Variants in RIMS1 observed in about 807,000 individuals in gnomAD.
RIMS1 encodes the protein regulating synaptic membrane exocytosis 1.
Under a neutral mutation model 214.1 loss-of-function variants are expected in RIMS1, and 83 were observed. The ratio of observed to expected loss-of-function variants is 0.39; its 90% CI spans 0.32 to 0.47. RIMS1 has a LOEUF of 0.47. Among genes scored for constraint, RIMS1 ranks in the 20% least tolerant of loss-of-function variants. The probability of loss-of-function intolerance (pLI) is 0.99; values close to 1 mark genes in which losing one functional copy is unlikely to be tolerated. For missense variants in RIMS1, 2,050 were observed against 2,161.8 expected, an observed-to-expected ratio of 0.95 and a Z score of 1.03; for synonymous variants, 793 against 786.8, an observed-to-expected ratio of 1.01 and a Z score of -0.13.
intron 1 of RIMS1, among the ~76,000 whole-genome samples, chr6:71,946,099 A>G (rs1026681292): frequency 2.0e-5 from 3 of 152,224 alleles, no homozygotes; most frequent in South Asian, 2.1e-4. Flanking sequence ...ACTGTGGAAT[A>G]AATTTAACCA....
rs566173749 is a variant in RIMS1 at position 72,016,899 on chromosome 6, T to C, written c.245+47836T>C. On this transcript the variant is annotated intron_variant, in intron 2 of 33. Coordinates refer to ENST00000521978, the MANE Select transcript of RIMS1 (RefSeq NM_014989.7). ...GTAGTCAGTTTGTGAGTATGTACCA[T>C]TGACATGGGACCCTGGCAATTCTTA... 9.2e-5 allele frequency among the ~76,000 whole-genome samples: 14 copies of C among 152,336 alleles called. No individual in the cohort carries two copies. The South Asian group carries it at 1.0e-3, about 11-fold the overall frequency.
chr6:71,994,333 C>CT (rs1802751057), intron 2 of RIMS1, among the ~76,000 whole-genome samples: 1 of 152,152 alleles, frequency 6.6e-6, no homozygotes, highest in African/African-American at 2.4e-5. Flanking sequence ...CTCTTGGCTT[C>CT]TTTACCTTAC....
chr6:72,263,712 C>T, intron 19 of RIMS1: 1 of 985,138 alleles, frequency 1.0e-6, no homozygotes, highest in Non-Finnish European at 1.2e-6. Flanking sequence ...TCAACTTGTA[C>T]TTAATAAGGA....
intron 4 of RIMS1, among the ~76,000 whole-genome samples, chr6:72,176,590 G>A (rs1472891536): frequency 1.3e-5 from 2 of 151,890 alleles, no homozygotes; most frequent in East Asian, 3.9e-4. Context: ...ACATTGCCAT[G>A]GTTAATTTTA....
intron 2 of RIMS1, among the ~76,000 whole-genome samples, chr6:72,028,713 A>C (rs1360242198): frequency 3.9e-5 from 6 of 152,222 alleles, no homozygotes; most frequent in Non-Finnish European, 8.8e-5. Flanking sequence ...TATTTCTTAA[A>C]ATATTTTAGA....
chr6:71,959,469 T>C (rs1279259964), intron 1 of RIMS1, among the ~76,000 whole-genome samples: 3 of 152,134 alleles, frequency 2.0e-5, no homozygotes, highest in Non-Finnish European at 4.4e-5. Context: ...TAGAAGTATC[T>C]AAAAACATTA....
At chr6:71,952,840 G>A (rs929314834) in intron 1 of RIMS1, among the ~76,000 whole-genome samples, 5 of 152,032 alleles carry the variant, frequency 3.3e-5, no homozygotes, top group African/African-American at 7.2e-5. Flanking sequence ...AGGTTGGCTG[G>A]GTGGAAGTCA....
At chr6:72,115,816 G>A (rs545266865) in intron 4 of RIMS1, among the ~76,000 whole-genome samples, 9 of 151,624 alleles carry the variant, frequency 5.9e-5, no homozygotes, top group Admixed American at 1.3e-4. Context: ...CTTATATTAA[G>A]ATGCTTTCAT....
intron 4 of RIMS1, among the ~76,000 whole-genome samples, chr6:72,161,331 A>T (rs1426447713): frequency 7.2e-6 from 1 of 139,280 alleles, no homozygotes; most frequent in African/African-American, 2.5e-5. Context: ...TCTTTTCAAA[A>T]AACGAGCTCC....
rs1042215602 is a variant in RIMS1 at position 72,279,656 on chromosome 6, C to A, written c.3483-4391C>A. Among the ~76,000 whole-genome samples the A allele has an allele frequency of 7.2e-5, 11 of 151,956 alleles. No homozygotes were observed. In the East Asian group the frequency reaches 1.5e-3, roughly 21 times the overall value. On this transcript the variant is annotated intron_variant, in intron 23 of 33. Transcript: ENST00000521978. ...AACACTGAAACAGTGTTGTCTTGTT[C>A]ACTCGTGCCCAGGGATCTCTCAAAT...
At chr6:72,371,600 T>C (rs2098222233) in intron 29 of RIMS1, among the ~76,000 whole-genome samples, 1 of 152,102 alleles carries the variant, frequency 6.6e-6, no homozygotes, top group Non-Finnish European at 1.5e-5. Flanking sequence ...ACCAGAAAGG[T>C]AGAAGGAATC....
intron 4 of RIMS1, among the ~76,000 whole-genome samples, chr6:72,148,845 G>C (rs559395021): frequency 2.0e-5 from 3 of 152,180 alleles, no homozygotes; most frequent in Non-Finnish European, 4.4e-5. Flanking sequence ...TCAGTGACTG[G>C]TGGGGGTAGT....
chr6:72,236,960 A>G (rs1488675804), intron 8 of RIMS1, among the ~76,000 whole-genome samples: 1 of 152,118 alleles, frequency 6.6e-6, no homozygotes, highest in African/African-American at 2.4e-5. Context: ...ACACTTTGGA[A>G]GGCAAAGGTG....
intron 29 of RIMS1, among the ~76,000 whole-genome samples, chr6:72,386,598 CT>C (rs1410528047): frequency 6.6e-6 from 1 of 152,114 alleles, no homozygotes; most frequent in Non-Finnish European, 1.5e-5. Flanking sequence ...TCACTTCCCC[CT>C]GCCCTGCTTA....
chr6:72,116,386 G>A (rs2037080907), intron 4 of RIMS1, among the ~76,000 whole-genome samples: 1 of 151,916 alleles, frequency 6.6e-6, no homozygotes, highest in Non-Finnish European at 1.5e-5. Context: ...CGAGATGAAA[G>A]AGAACTAGCT....
intron 4 of RIMS1, among the ~76,000 whole-genome samples, chr6:72,139,627 A>G (rs534319718): frequency 3.3e-5 from 5 of 152,188 alleles, no homozygotes; most frequent in African/African-American, 4.8e-5. Flanking sequence ...TAAATAATAT[A>G]TATTAAATGT....
intron 29 of RIMS1, among the ~76,000 whole-genome samples, chr6:72,366,565 G>A (rs2098029280): frequency 6.6e-6 from 1 of 152,102 alleles, no homozygotes; most frequent in Non-Finnish European, 1.5e-5. Context: ...TATGACACAT[G>A]GCAAATTTGC....
intron 4 of RIMS1, among the ~76,000 whole-genome samples, chr6:72,152,746 T>C (rs2043808720): frequency 7.3e-6 from 1 of 137,734 alleles, no homozygotes; most frequent in African/African-American, 2.7e-5. Flanking sequence ...TATATGTATA[T>C]ATATGTATAT....
At chr6:71,983,442 A>G (rs1368851326) in intron 2 of RIMS1, among the ~76,000 whole-genome samples, 1 of 150,570 alleles carries the variant, frequency 6.6e-6, no homozygotes, top group African/African-American at 2.5e-5. Flanking sequence ...TCAGAAAAAA[A>G]GGGTTTTTTT....
Sources: allele counts gnomAD v4.1 joint callset (sites outside exome capture counted in the v4.1 genomes callset), GRCh38; gene constraint gnomAD v4.1.1; transcripts MANE v1.5; gene names NCBI Gene and HGNC (gene_info 2026-07-23, HGNC 2026-07-21).